The following SPON2 variants were observed in gnomAD, a reference collection of about 807,000 sequenced individuals.
SPON2 encodes spondin 2.
SPON2 carries 32 observed loss-of-function variants against 29.9 expected under a neutral mutation model. The ratio of observed to expected loss-of-function variants is 1.07; its 90% CI spans 0.81 to 1.44. SPON2 has a LOEUF of 1.44. Ranked by LOEUF, SPON2 falls within the 40% of genes most tolerant of loss-of-function variation. SPON2 has a pLI of 0.00. For synonymous variants in SPON2, 248 were observed against 209.1 expected, an observed-to-expected ratio of 1.19 and a Z score of -1.61; for missense variants, 541 against 455.5, an observed-to-expected ratio of 1.19 and a Z score of -1.71.
At chr4:1,203,438 A>G (rs1728265580) in intron 1 of SPON2, among the ~76,000 whole-genome samples, 1 of 152,200 alleles carries the variant, frequency 6.6e-6, no homozygotes, top group Non-Finnish European at 1.5e-5. Flanking sequence ...CCAGAGCTTC[A>G]TTCCTTTTTA....
upstream of SPON2, among the ~76,000 whole-genome samples, chr4:1,197,990 G>C (rs1576998054): frequency 6.6e-6 from 1 of 150,800 alleles, no homozygotes; most frequent in Non-Finnish European, 1.5e-5. Flanking sequence ...GGAGGCTGCA[G>C]TGAACTGAGA....
intron 2 of SPON2, chr4:1,179,306 G>C (rs894234881): frequency 1.6e-5 from 2 of 127,404 alleles, no homozygotes; most frequent in African/African-American, 5.1e-5. Flanking sequence ...AAGGAGGCCA[G>C]GTCACTGCTG....
At chr4:1,169,368 C>T (rs1323974018) in intron 5 of SPON2, among the ~76,000 whole-genome samples, 1 of 152,134 alleles carries the variant, frequency 6.6e-6, no homozygotes, top group Non-Finnish European at 1.5e-5. Flanking sequence ...CCCAAGCCTG[C>T]ACTGGGCAGG....
At chr4:1,186,136 C>A (rs894158967) in intron 1 of SPON2, among the ~76,000 whole-genome samples, 2 of 148,854 alleles carry the variant, frequency 1.3e-5, no homozygotes, top group Non-Finnish European at 3.0e-5. Context: ...CCCAGCTACT[C>A]AGGAGGCTGA....
intron 1 of SPON2, among the ~76,000 whole-genome samples, chr4:1,191,465 G>A (rs1727912909): frequency 2.0e-5 from 3 of 152,168 alleles, no homozygotes; most frequent in Admixed American, 1.3e-4. Flanking sequence ...AATTAACCAT[G>A]TATAAAATTG....
chr4:1,171,969 A>G lies in SPON2; in HGVS notation c.103T>C (p.Cys35Arg), dbSNP rs377353399. The change falls in exon 2 of 6, where the codon TGT becomes CGT. Residue 35 changes from cysteine to arginine, a missense_variant. Cys to Arg is a radical substitution (Grantham distance 180). Transcript: ENST00000290902. ...AGQPLGGESI[C>R]SARALAKYSI... ...TATTTGGCCAGGGCTCTGGCGGAAC[A>G]GATGGACTCTCCCCCAAGAGGCTGG... The G allele has an allele frequency of 1.1e-5, 18 of 1,612,816 alleles. No homozygotes were observed. Among genetic ancestry groups the G allele is most frequent in the Non-Finnish European group, 1.5e-5 (18 of 1,179,914 alleles).
chr4:1,198,407 C>T (rs1728119832), upstream of SPON2, among the ~76,000 whole-genome samples: 1 of 152,120 alleles, frequency 6.6e-6, no homozygotes, highest in South Asian at 2.1e-4. Flanking sequence ...CTTTAACCTT[C>T]CCAAGACATG....
upstream of SPON2, among the ~76,000 whole-genome samples, chr4:1,174,486 C>CAAAAAAAAAAAAAAAA (rs59532169): frequency 9.6e-4 from 90 of 94,234 alleles, 1 homozygote; most frequent in African/African-American, 1.5e-3. Flanking sequence ...GACTCCATCT[C>CAAAAAAAAAAAAAAAA]AAAAAAAAAA....
chr4:1,167,543 G>C lies in SPON2; in HGVS notation c.925C>G (p.Pro309Ala). Residue 309 changes from proline (P) to alanine (A), a missense_variant, in exon 6 of 6, where the codon CCC (proline) becomes GCC (alanine). Pro to Ala is a conservative substitution (Grantham distance 27). Coordinates refer to ENST00000290902, the MANE Select transcript of SPON2 (RefSeq NM_012445.4). ...GGGCAGGGGCTCCCGTTGTTGGCGG[G>C]CTGGACCCGGACGTAGCGAGTCCTG... ...KSRTRYVRVQ[P>A]ANNGSPCPEL... 6.2e-7 allele frequency: 1 copy of C among 1,613,652 alleles called. No individual in the cohort carries two copies. Among genetic ancestry groups the C allele is most frequent in the Non-Finnish European group, 8.5e-7 (1 of 1,180,018 alleles).
At chr4:1,201,206 GGCAGT>G (rs1560213767) in intron 1 of SPON2, 1 of 437,328 alleles carries the variant, frequency 2.3e-6, no homozygotes, top group South Asian at 1.6e-5. Flanking sequence ...GCAGTATGTG[GGCAGT>G]GACAAAGAGG....
At chr4:1,181,092 T>A (rs1238204981) in intron 1 of SPON2, among the ~76,000 whole-genome samples, 1 of 152,164 alleles carries the variant, frequency 6.6e-6, no homozygotes, top group East Asian at 1.9e-4. Flanking sequence ...CACATCATTA[T>A]CAAACCGTCA....
At chr4:1,187,073 T>C (rs1727820193) in intron 1 of SPON2, among the ~76,000 whole-genome samples, 1 of 152,220 alleles carries the variant, frequency 6.6e-6, no homozygotes, top group Non-Finnish European at 1.5e-5. Context: ...TATATTTGTA[T>C]ACTCAAGTTC....
chr4:1,171,284 C>T lies in SPON2; in HGVS notation c.423G>A (p.Glu141=), dbSNP rs1372984470. The change falls in exon 3 of 6, where the codon GAG becomes GAA. Residue 141 remains glutamate (E), a synonymous_variant. Transcript: ENST00000290902. ...TCACCAGCGAGTGCCTGCGCTGCAC[C>T]TCCAGCTCCGCCGACGTCTGCCCGG... ...SGTGQTSAEL[E]VQRRHSLVSF... 2 of 1,565,652 alleles carry T rather than the reference C, an allele frequency of 1.3e-6. No individual in the cohort carries two copies. Among genetic ancestry groups the T allele is most frequent in the African/African-American group, 2.8e-5 (2 of 72,696 alleles).
intron 1 of SPON2, among the ~76,000 whole-genome samples, chr4:1,206,629 G>A (rs1294327645): frequency 6.6e-6 from 1 of 152,236 alleles, no homozygotes; most frequent in Non-Finnish European, 1.5e-5. Context: ...TGGGGCTCTT[G>A]GAATAGAAGG....
intron 1 of SPON2, 49 bp from the exon 2 acceptor site, chr4:1,172,123 C>G (rs1310105568): frequency 6.4e-7 from 1 of 1,550,590 alleles, no homozygotes; most frequent in African/African-American, 1.4e-5. Context: ...TCGTGGCAGC[C>G]TCGGGGTGGA....
intron 1 of SPON2, among the ~76,000 whole-genome samples, chr4:1,187,085 T>C (rs1727820307): frequency 6.6e-6 from 1 of 152,228 alleles, no homozygotes; most frequent in Non-Finnish European, 1.5e-5. Context: ...CTCAAGTTCA[T>C]AGCAGCGTTA....
intron 1 of SPON2, among the ~76,000 whole-genome samples, chr4:1,190,227 C>G (rs1727886931): frequency 6.7e-6 from 1 of 149,864 alleles, no homozygotes; most frequent in Non-Finnish European, 1.5e-5. Flanking sequence ...GAAACTGACT[C>G]ATGAAGACAT....
intron 1 of SPON2, chr4:1,194,982 GGCCTC>G (rs1377408649): frequency 2.5e-4 from 38 of 149,506 alleles, no homozygotes; most frequent in South Asian, 4.2e-4. Flanking sequence ...CGCAGCCGGC[GGCCTC>G]ACCTCACAGC....
chr4:1,167,978 C>T (rs2153076412), intron 5 of SPON2: 3 of 299,456 alleles, frequency 1.0e-5, no homozygotes, highest in Non-Finnish European at 1.2e-5. Flanking sequence ...CGGGAGAGGG[C>T]GGACACCCCT....
Sources: gnomAD v4.1 joint callset for allele counts (sites outside exome capture counted in the v4.1 genomes callset) on GRCh38, gnomAD v4.1.1 for gene constraint, MANE v1.5 for transcripts, NCBI Gene and HGNC (gene_info 2026-07-23, HGNC 2026-07-21) for gene names.